Variants in FSIP1 observed in about 807,000 individuals in gnomAD.
FSIP1 encodes fibrous sheath-interacting protein 1.
A neutral mutation model predicts 60.9 loss-of-function variants in FSIP1; 65 were observed. The ratio of observed to expected loss-of-function variants is 1.07; its 90% confidence interval spans 0.87 to 1.31. FSIP1 has a LOEUF of 1.31. Among genes scored for constraint, FSIP1 ranks in the 40% most tolerant of loss-of-function variants. The pLI is 0.00. For synonymous variants in FSIP1, 209 were observed against 221.2 expected, an observed-to-expected ratio of 0.94 and a Z score of 0.49; for missense variants, 675 against 665.5, an observed-to-expected ratio of 1.01 and a Z score of -0.16.
intron 11 of FSIP1, among the ~76,000 whole-genome samples, chr15:39,608,004 T>C (rs1398690423): frequency 1.3e-5 from 2 of 152,220 alleles, no homozygotes; most frequent in African/African-American, 4.8e-5. Context: ...CACACTTTTG[T>C]AGAAAGCACA....
At chr15:39,772,402 C>A (rs945298787) in intron 2 of FSIP1, among the ~76,000 whole-genome samples, 1 of 149,780 alleles carries the variant, frequency 6.7e-6, no homozygotes, top group South Asian at 2.1e-4. Flanking sequence ...AAGCGATCCT[C>A]CCACCTCAGC....
At chr15:39,686,645 G>T (rs374603633) in intron 10 of FSIP1, among the ~76,000 whole-genome samples, 3 of 152,232 alleles carry the variant, frequency 2.0e-5, no homozygotes, top group Admixed American at 6.5e-5. Flanking sequence ...AGCCTATGAC[G>T]GCAAGTGTCA....
intron 10 of FSIP1, among the ~76,000 whole-genome samples, chr15:39,711,676 C>CTTTTTTTT (rs66840718): frequency 5.7e-4 from 49 of 85,748 alleles, no homozygotes; most frequent in African/African-American, 7.6e-4. Flanking sequence ...ATTCCTACTT[C>CTTTTTTTT]TTTTTTTTTT....
At chr15:39,695,690 T>C (rs1226977335) in intron 10 of FSIP1, among the ~76,000 whole-genome samples, 1 of 151,768 alleles carries the variant, frequency 6.6e-6, no homozygotes, top group African/African-American at 2.4e-5. Context: ...CGGGACATTG[T>C]TTGAGTTGCT....
At chr15:39,756,110 G>A (rs1289398381) in intron 5 of FSIP1, among the ~76,000 whole-genome samples, 3 of 152,140 alleles carry the variant, frequency 2.0e-5, no homozygotes, top group Non-Finnish European at 4.4e-5. Context: ...AGGTTAATAT[G>A]TCTGGATTAT....
At chr15:39,690,089 A>G (rs910494360) in intron 10 of FSIP1, among the ~76,000 whole-genome samples, 1 of 152,214 alleles carries the variant, frequency 6.6e-6, no homozygotes, top group African/African-American at 2.4e-5. Flanking sequence ...ATGTGCAAAG[A>G]TTCAGTGGCA....
chr15:39,634,806 G>A (rs1892060128), intron 10 of FSIP1, among the ~76,000 whole-genome samples: 1 of 152,130 alleles, frequency 6.6e-6, no homozygotes, highest in Non-Finnish European at 1.5e-5. Flanking sequence ...ACTAGTACAT[G>A]TGCATCTTAC....
Position 39,628,831 on chromosome 15 carries a change from G to A in FSIP1, c.1189-10586C>T, listed in dbSNP as rs150917706. ...CAAAGTCTCAGATTTCTAGTCAGTA[G>A]AGTAAAAATACTAACAACTAGCTGA... On this transcript the variant is annotated intron_variant, in intron 10 of 11. Transcript: ENST00000350221. Among the ~76,000 whole-genome samples, 827 of 152,346 alleles carry A rather than the reference G, an allele frequency of 5.4e-3. 11 individuals carry two copies. Among genetic ancestry groups the A allele is most frequent in the African/African-American group, 0.018 (769 of 41,576 alleles).
chr15:39,759,692 G>A (rs1238235738), intron 5 of FSIP1, among the ~76,000 whole-genome samples: 2 of 152,090 alleles, frequency 1.3e-5, no homozygotes, highest in Non-Finnish European at 2.9e-5. Context: ...ATGTCAGCAG[G>A]GCCACGTTCC....
intron 11 of FSIP1, among the ~76,000 whole-genome samples, chr15:39,612,699 G>T (rs1206961406): frequency 6.6e-6 from 1 of 151,890 alleles, no homozygotes; most frequent in Non-Finnish European, 1.5e-5. Flanking sequence ...ACAAAACTAA[G>T]AATTGGCTTT....
At chr15:39,684,025 ATAAAT>A (rs1894268130) in intron 10 of FSIP1, among the ~76,000 whole-genome samples, 2 of 152,226 alleles carry the variant, frequency 1.3e-5, no homozygotes, top group African/African-American at 4.8e-5. Flanking sequence ...AAACTTATCT[ATAAAT>A]TTATGCAATC....
intron 6 of FSIP1, among the ~76,000 whole-genome samples, chr15:39,740,769 T>C (rs1428779229): frequency 6.6e-6 from 1 of 152,146 alleles, no homozygotes; most frequent in African/African-American, 2.4e-5. Context: ...CATTTAAAAT[T>C]TTTTTGATGA....
chr15:39,647,863 T>A (rs1262022191), intron 10 of FSIP1, among the ~76,000 whole-genome samples: 2 of 152,196 alleles, frequency 1.3e-5, no homozygotes, highest in African/African-American at 4.8e-5. Context: ...GGAAAAATAC[T>A]GCATGACATA....
chr15:39,625,134 G>A (rs1180235004), intron 10 of FSIP1, among the ~76,000 whole-genome samples: 2 of 152,192 alleles, frequency 1.3e-5, no homozygotes, highest in Non-Finnish European at 2.9e-5. Context: ...AGCCGGGTGA[G>A]GCAGGGCTTG....
intron 8 of FSIP1, among the ~76,000 whole-genome samples, chr15:39,726,984 T>A (rs1229181134): frequency 6.6e-6 from 1 of 152,170 alleles, no homozygotes; most frequent in African/African-American, 2.4e-5. Flanking sequence ...TTAAGGGGGG[T>A]TTCCCCTGTG....
intron 10 of FSIP1, among the ~76,000 whole-genome samples, chr15:39,665,653 A>G (rs1001990506): frequency 3.9e-5 from 6 of 152,154 alleles, no homozygotes; most frequent in African/African-American, 1.4e-4. Flanking sequence ...TTTCCCACCA[A>G]CCCACATCCA....
Position 39,768,973 on chromosome 15 carries a change from C to T in FSIP1, c.310+1454G>A, listed in dbSNP as rs150214168. Among the ~76,000 whole-genome samples the T allele has an allele frequency of 9.5e-3, 1,452 of 152,256 alleles. 26 individuals carry two copies. Among genetic ancestry groups the T allele is most frequent in the African/African-American group, 0.033 (1,355 of 41,540 alleles). On this transcript the variant is annotated intron_variant, in intron 3 of 11. Transcript: ENST00000350221. Reference sequence around the variant, plus strand: ...ACAACGGCATCAGTTAATATTGCCACCAATTTTTATAAGAAAAGTCTAAGG... The same window carrying T: ...ACAACGGCATCAGTTAATATTGCCATCAATTTTTATAAGAAAAGTCTAAGG...
At chr15:39,691,106 T>C (rs909451288) in intron 10 of FSIP1, among the ~76,000 whole-genome samples, 4 of 152,214 alleles carry the variant, frequency 2.6e-5, no homozygotes, top group Non-Finnish European at 5.9e-5. Flanking sequence ...TCGCCACCAA[T>C]TTCCTGTCAC....
intron 8 of FSIP1, among the ~76,000 whole-genome samples, chr15:39,732,728 C>T (rs1226427210): frequency 6.6e-6 from 1 of 151,574 alleles, no homozygotes; most frequent in Non-Finnish European, 1.5e-5. Context: ...ATCATTTAGT[C>T]TTCTTTAAGC....
Sources: allele counts gnomAD v4.1 joint callset (sites outside exome capture counted in the v4.1 genomes callset), GRCh38; gene constraint gnomAD v4.1.1; transcripts MANE v1.5; gene names NCBI Gene and HGNC (gene_info 2026-07-23, HGNC 2026-07-21).